The following BAIAP2L2 variants were observed in gnomAD, a reference collection of about 807,000 sequenced individuals.
The protein encoded by BAIAP2L2 is BAR/IMD domain containing adaptor protein 2 like 2, also known as BAR/IMD domain-containing adapter protein 2-like 2.
BAIAP2L2 carries 65 observed loss-of-function variants against 60.4 expected under a neutral mutation model. The observed-to-expected ratio is 1.08, with a 90% CI of 0.88 to 1.32. The LOEUF (loss-of-function observed/expected upper bound fraction) is 1.32. Ranked by LOEUF, BAIAP2L2 falls within the 40% of genes most tolerant of loss-of-function variation. The pLI, the probability that BAIAP2L2 is intolerant of heterozygous loss-of-function variation, is 0.00. For synonymous variants in BAIAP2L2, 344 were observed against 301.7 expected, an observed-to-expected ratio of 1.14 and a Z score of -1.45; for missense variants, 836 against 741.2, an observed-to-expected ratio of 1.13 and a Z score of -1.48.
Position 38,102,543 on chromosome 22 carries a change from A to G in BAIAP2L2, c.277-4061T>C, listed in dbSNP as rs148997628. On this transcript the variant is annotated intron_variant, in intron 4 of 13. Transcript: ENST00000381669. ...CAATAGAAAGTTATTATTAGAAAAA[A>G]GAGAATATGGAAGAGAATAACATTC... Among the ~76,000 whole-genome samples the G allele has an allele frequency of 5.5e-3, 834 of 152,256 alleles. 2 individuals are homozygous for G. Among genetic ancestry groups the G allele is most frequent in the Non-Finnish European group, 8.4e-3 (571 of 68,032 alleles).
At chr22:38,099,174 T>G (rs537169893) in intron 4 of BAIAP2L2, among the ~76,000 whole-genome samples, 1 of 152,336 alleles carries the variant, frequency 6.6e-6, no homozygotes, top group African/African-American at 2.4e-5. Context: ...TGCCTCCTAT[T>G]TGCTTTGTGA....
chr22:38,085,188 C>A lies in BAIAP2L2; in HGVS notation c.*112G>T. On this transcript the variant is annotated 3_prime_UTR_variant, in exon 14 of 14. Coordinates refer to ENST00000381669, the MANE Select transcript of BAIAP2L2 (RefSeq NM_025045.6). ...TGGTCTGGGGAGGGCAGCCACCCCC[C>A]GTCTCAGGGACCCGCTTCTTGGATC... 8.3e-7 allele frequency: 1 copy of A among 1,205,904 alleles called. No homozygotes were observed. The highest frequency in any genetic ancestry group is 1.4e-5 in the South Asian group (1 of 71,500). 74.7% of individuals were successfully genotyped at this position (1,205,904 alleles called of 1,614,324 possible).
intron 4 of BAIAP2L2, among the ~76,000 whole-genome samples, chr22:38,103,054 A>G (rs924655118): frequency 1.3e-5 from 2 of 151,192 alleles, no homozygotes; most frequent in African/African-American, 4.9e-5. Flanking sequence ...TCAAAATTAA[A>G]AAAAAAAAAA....
At chr22:38,089,074 GC>G in intron 9 of BAIAP2L2, 21 bp downstream of exon 9, 2 of 1,381,062 alleles carry the variant, frequency 1.4e-6, no homozygotes, top group Non-Finnish European at 1.9e-6. Context: ...CCCTCCTGCC[GC>G]CCCGGGGCGG....
At position 38,107,926 on chromosome 22, in the gene BAIAP2L2, A is replaced by G; in HGVS notation, c.215-13T>C. 2 of 1,613,072 alleles carry G rather than the reference A, an allele frequency of 1.2e-6. No individual in the cohort carries two copies. Among genetic ancestry groups the G allele is most frequent in the Non-Finnish European group, 1.7e-6 (2 of 1,179,756 alleles). The stretch of plus-strand genomic sequence containing the variant: ...ACCAAGATCTCCCCTGGAGGCATGG[A>G]TGCAGCTGTGGCTTTGGTGTGTGGC... On this transcript the variant is annotated splice_polypyrimidine_tract_variant and intron_variant, in intron 3 of 13. Transcript: ENST00000381669.
Position 38,089,104 on chromosome 22 carries a change from G to A in BAIAP2L2, c.893C>T (p.Pro298Leu), listed in dbSNP as rs1250645326. 3 of 1,376,858 alleles carry A rather than the reference G, an allele frequency of 2.2e-6. No homozygotes were observed. In the African/African-American group the frequency reaches 4.6e-5, roughly 21 times the overall value. 85.3% of individuals were successfully genotyped at this position (1,376,858 alleles called of 1,614,324 possible). Reference sequence around the variant, plus strand: ...GGGGCGGGGGCACTCACAGGCCGACGGCGTGCGGGGCAGGGAGCGACGGTC... The same window carrying A: ...GGGGCGGGGGCACTCACAGGCCGACAGCGTGCGGGGCAGGGAGCGACGGTC... ...EPDRRSLPRT[P>L]SASSLYSGSA... Residue 298 changes from proline to leucine, a missense_variant, in exon 9 of 14, where the codon CCG becomes CTG. Coordinates refer to ENST00000381669, the MANE Select transcript of BAIAP2L2 (RefSeq NM_025045.6).
chr22:38,098,505 G>A (rs1268323491), intron 4 of BAIAP2L2, 23 bp from the exon 5 acceptor site: 1 of 1,603,570 alleles, frequency 6.2e-7, no homozygotes, highest in Admixed American at 1.7e-5. Context: ...CAGGGTGAGG[G>A]TGATCAAGGC....
Position 38,110,594 on chromosome 22 carries a change from T to C in BAIAP2L2, c.-69A>G. On this transcript the variant is annotated 5_prime_UTR_variant, in exon 1 of 14. Transcript: ENST00000381669. ...GCGATGGCACAGCCGGGAGCAGTGG[T>C]AGGTAGTCCCTCAGGTGCCCACGAC... The C allele has an allele frequency of 1.5e-6, 2 of 1,375,584 alleles. No individual in the cohort carries two copies. The highest frequency in any genetic ancestry group is 2.0e-6 in the Non-Finnish European group (2 of 998,126). 85.2% of individuals were successfully genotyped at this position (1,375,584 alleles called of 1,614,324 possible). A position where few individuals can be genotyped will look rare whatever the true frequency, so the allele number is the denominator to read the frequency against.
At chr22:38,088,722 C>G in intron 10 of BAIAP2L2, 26 bp downstream of exon 10, 1 of 1,518,962 alleles carries the variant, frequency 6.6e-7, no homozygotes. Flanking sequence ...CAACCCACCC[C>G]CGGCCCCTCC....
At chr22:38,110,120 G>GGAGGGA (rs1569234347) in intron 1 of BAIAP2L2, among the ~76,000 whole-genome samples, 1 of 18,884 alleles carries the variant, frequency 5.3e-5, no homozygotes, top group Admixed American at 8.4e-4. Context: ...AGAGAGAGAG[G>GGAGGGA]GAGAGAGAGA....
chr22:38,089,159 C>T lies in BAIAP2L2; in HGVS notation c.838G>A (p.Asp280Asn), dbSNP rs1275250911. 4 of 1,336,722 alleles carry T rather than the reference C, an allele frequency of 3.0e-6. No individual in the cohort carries two copies. Among genetic ancestry groups the T allele is most frequent in the East Asian group, 3.0e-5 (1 of 32,998 alleles). 82.8% of individuals were successfully genotyped at this position (1,336,722 alleles called of 1,614,324 possible). A position where few individuals can be genotyped will look rare whatever the true frequency, so the allele number is the denominator to read the frequency against. ...HGSGSYGTEPDARPASQLEPD... is the reference protein window; with the variant it reads ...HGSGSYGTEPNARPASQLEPD... Reference sequence around the variant, plus strand: ...TCTAGCTGGGACGCGGGCCTCGCGTCGGGCTCGGTGCCGTAGGAGCCGGAG... The same window carrying T: ...TCTAGCTGGGACGCGGGCCTCGCGTTGGGCTCGGTGCCGTAGGAGCCGGAG... The change falls in exon 9 of 14, where the codon GAC becomes AAC. Residue 280 changes from aspartate (D) to asparagine (N), a missense_variant. Physicochemically the swap from Asp to Asn is conservative, Grantham distance 23 (BLOSUM62 1). Transcript: ENST00000381669.
chr22:38,092,991 A>AC (rs1380951292), intron 7 of BAIAP2L2, among the ~76,000 whole-genome samples: 2 of 151,956 alleles, frequency 1.3e-5, no homozygotes, highest in Admixed American at 1.3e-4. Context: ...ACATGGTGAA[A>AC]CCCCGTCTCT....
At position 38,086,361 on chromosome 22, in the gene BAIAP2L2, G is replaced by T; in HGVS notation, c.1348C>A (p.Gln450Lys). The change falls in exon 12 of 14, where the codon CAG becomes AAG. Residue 450 changes from glutamine to lysine, a missense_variant. Physicochemically the swap from Gln to Lys is moderately conservative, Grantham distance 53. Transcript: ENST00000381669. ...SIAPSEYWDG[Q>K]SRSRTPSRVP... ...CGGCTTGGGGTGCGGGAGCGGGACT[G>T]GCCATCCCAGTACTCCGAGGGTGCT... 2 of 772,624 alleles carry T rather than the reference G, an allele frequency of 2.6e-6. No individual in the cohort carries two copies. Among genetic ancestry groups the T allele is most frequent in the Non-Finnish European group, 3.8e-6 (2 of 524,372 alleles). The allele number at this position is 772,624 out of a possible 1,614,324, so 47.9% of individuals were successfully genotyped here.
rs533864050 is a variant in BAIAP2L2 at position 38,097,179 on chromosome 22, C to T, written c.466-1G>A. ...GTGCGTGCAGCCGGTTCACACTCTC[C>T]TGGGGGGGAACGGGAGTTCTGGCTG... is the stretch of plus-strand genomic sequence containing the variant. On this transcript the variant is annotated splice_acceptor_variant, in intron 6 of 13. Coordinates refer to ENST00000381669, the MANE Select transcript of BAIAP2L2 (RefSeq NM_025045.6). LOFTEE classifies it high-confidence loss of function. The T allele has an allele frequency of 3.3e-5, 53 of 1,612,080 alleles. 1 individual carries two copies. The East Asian group carries it at 6.7e-4, about 20-fold the overall frequency.
intron 1 of BAIAP2L2, 41 bp from the exon 2 acceptor site, chr22:38,109,249 G>T (rs369367602): frequency 3.3e-6 from 5 of 1,525,130 alleles, no homozygotes; most frequent in Non-Finnish European, 4.5e-6. Context: ...TGTAGAGATG[G>T]GGGAGCGAGA....
At chr22:38,089,946 G>A (rs1269951746) in intron 7 of BAIAP2L2, among the ~76,000 whole-genome samples, 3 of 152,022 alleles carry the variant, frequency 2.0e-5, no homozygotes, top group African/African-American at 7.2e-5. Flanking sequence ...TCACCGCCCA[G>A]CTTCAGGGGT....
In BAIAP2L2 at chr22:38,088,870, C is replaced by G; in HGVS notation, c.996G>C (p.Leu332=). 1 of 1,592,944 alleles carries G rather than the reference C, an allele frequency of 6.3e-7. No individual in the cohort carries two copies. Among genetic ancestry groups the G allele is most frequent in the Non-Finnish European group, 8.5e-7 (1 of 1,177,206 alleles). Residue 332 remains leucine, a synonymous_variant, in exon 10 of 14, where the codon CTG becomes CTC. Coordinates refer to ENST00000381669, the MANE Select transcript of BAIAP2L2 (RefSeq NM_025045.6). ...GGTTGGCGCCCTCCGAGTGGGAGACCAGGGCGCGGACTCTCCTGGCGCCCC... is the reference window on the plus strand; with the variant it reads ...GGTTGGCGCCCTCCGAGTGGGAGACGAGGGCGCGGACTCTCCTGGCGCCCC... The part of the protein sequence containing the change: ...GGGGARRVRA[L]VSHSEGANHT...
rs1479119018 is a variant in BAIAP2L2 at position 38,086,192 on chromosome 22, C to A, written c.1467+50G>T. 6 of 1,564,660 alleles carry A rather than the reference C, an allele frequency of 3.8e-6. No individual in the cohort carries two copies. The South Asian group carries it at 6.8e-5, about 18-fold the overall frequency. On this transcript the variant is annotated intron_variant, in intron 12 of 13. Coordinates refer to ENST00000381669, the MANE Select transcript of BAIAP2L2 (RefSeq NM_025045.6). ...ACAGAGCCTCGGGATCCCTGCTCTC[C>A]TGCCTCCCTGCCCGCTGGAGGCCCC...
intron 7 of BAIAP2L2, 28 bp downstream of exon 7, chr22:38,097,004 C>A: frequency 6.3e-7 from 1 of 1,594,314 alleles, no homozygotes; most frequent in East Asian, 2.3e-5. Context: ...TAGAAGCGCC[C>A]CGCTTGCTGC....
Sources: allele counts gnomAD v4.1 joint callset (sites outside exome capture counted in the v4.1 genomes callset), GRCh38; gene constraint gnomAD v4.1.1; transcripts MANE v1.5; gene names NCBI Gene and HGNC (gene_info 2026-07-23, HGNC 2026-07-21).